Variants in ALMS1 observed in about 807,000 individuals in gnomAD.
The protein encoded by ALMS1 is centrosome-associated protein ALMS1.
A neutral mutation model predicts 352.2 loss-of-function variants in ALMS1; 271 were observed. The observed-to-expected ratio is 0.77, with a 90% CI of 0.70 to 0.85. The LOEUF is 0.85. ALMS1 is among the 40% of genes least tolerant of loss of function. ALMS1 has a pLI of 0.00. For missense variants in ALMS1, 5,445 were observed against 4,870.7 expected (o/e 1.12, Z -3.51); for synonymous variants, 1,865 against 1,761.2 (o/e 1.06, Z -1.48).
intron 12 of ALMS1, among the ~76,000 whole-genome samples, chr2:73,544,583 G>A (rs574238317): frequency 2.0e-5 from 3 of 152,266 alleles, no homozygotes; most frequent in Admixed American, 6.5e-5. Context: ...TGGAGAAATT[G>A]GAACCATTGC....
At chr2:73,561,647 G>C (rs1438224891) in intron 15 of ALMS1, among the ~76,000 whole-genome samples, 2 of 146,908 alleles carry the variant, frequency 1.4e-5, no homozygotes, top group African/African-American at 5.5e-5. Flanking sequence ...GTTAGAGATT[G>C]TTGCACAACA....
chr2:73,428,022 A>G (rs564954507), intron 6 of ALMS1, among the ~76,000 whole-genome samples: 1 of 152,324 alleles, frequency 6.6e-6, no homozygotes, highest in African/African-American at 2.4e-5. Flanking sequence ...ACTTTTATTT[A>G]TAATTTATTA....
chr2:73,418,698 C>T (rs1671227259), intron 2 of ALMS1, among the ~76,000 whole-genome samples: 2 of 152,202 alleles, frequency 1.3e-5, no homozygotes, highest in Admixed American at 6.5e-5. Flanking sequence ...TCCCAAGCCA[C>T]TTCTCATGAT....
rs185314577 is a variant in ALMS1, at chr2:73,542,448, T to C, written c.9907+7499T>C. ...GGAAAAAACTGGAAGCATTGAAAAC[T>C]GGCACAAGACAGGGATGCCCTCTCT... On this transcript the variant is annotated intron_variant, in intron 12 of 22. Coordinates refer to ENST00000613296, the MANE Select transcript of ALMS1 (RefSeq NM_001378454.1). 4.5e-4 allele frequency among the ~76,000 whole-genome samples: 69 copies of C among 151,720 alleles called. 1 individual carries two copies. The highest frequency in any genetic ancestry group is 1.7e-3 in the African/African-American group (69 of 41,476).
chr2:73,443,824 ATAAATG>A (rs1671760765), intron 7 of ALMS1, among the ~76,000 whole-genome samples: 1 of 152,208 alleles, frequency 6.6e-6, no homozygotes, highest in Non-Finnish European at 1.5e-5. Context: ...AGTGGATCAA[ATAAATG>A]TAAGTATCAT....
intron 21 of ALMS1, 115 bp downstream of exon 21, chr2:73,603,419 G>A: frequency 1.1e-6 from 1 of 913,398 alleles, no homozygotes; most frequent in Non-Finnish European, 1.7e-6. Context: ...AACATTATGA[G>A]AAAGTTGTGA....
intron 10 of ALMS1, among the ~76,000 whole-genome samples, chr2:73,507,908 G>T (rs1440557602): frequency 6.6e-6 from 1 of 151,926 alleles, no homozygotes; most frequent in Non-Finnish European, 1.5e-5. Flanking sequence ...TCTCCTGTGG[G>T]CATTTAGTGC....
At chr2:73,541,583 GT>G (rs747450238) in intron 12 of ALMS1, among the ~76,000 whole-genome samples, 14 of 152,132 alleles carry the variant, frequency 9.2e-5, no homozygotes, top group Non-Finnish European at 1.6e-4. Flanking sequence ...CCAGGAGCTG[GT>G]TTTTTGAAAA....
intron 15 of ALMS1, among the ~76,000 whole-genome samples, chr2:73,564,433 T>G (rs1573024278): frequency 6.8e-6 from 1 of 147,498 alleles, no homozygotes; most frequent in East Asian, 2.0e-4. Context: ...GCCACTGCAC[T>G]TCAGTCCAAA....
At chr2:73,429,814 A>G (rs776535200) in intron 6 of ALMS1, among the ~76,000 whole-genome samples, 2 of 152,142 alleles carry the variant, frequency 1.3e-5, no homozygotes, top group African/African-American at 4.8e-5. Context: ...AACTTGCTCT[A>G]TAGCAAAATA....
chr2:73,576,698 G>T (rs1199032170), intron 16 of ALMS1, among the ~76,000 whole-genome samples: 4 of 150,602 alleles, frequency 2.7e-5, no homozygotes, highest in African/African-American at 9.8e-5. Flanking sequence ...TCAGCTCACT[G>T]CAACCTCTGC....
rs1203193062 is a variant in ALMS1 at position 73,432,289 on chromosome 2, CAGGTACGTAGAAAA to C, written c.1432+2_1432+15del. On this transcript the variant is annotated splice_donor_variant and splice_donor_5th_base_variant and coding_sequence_variant and intron_variant, in exon 7 of 23. Transcript: ENST00000613296. LOFTEE classifies it high-confidence loss of function. ...CCAAAGGCTCCTAAACATTTAAAAG[CAGGTACGTAGAAAA>C]AGGAGATAGTAAATGTCCTACTTAC... 2 of 1,606,074 alleles carry C rather than the reference CAGGTACGTAGAAAA, an allele frequency of 1.2e-6. No individual in the cohort carries two copies. The highest frequency in any genetic ancestry group is 1.7e-6 in the Non-Finnish European group (2 of 1,172,982).
chr2:73,560,256 A>G (rs1674629426), intron 15 of ALMS1, among the ~76,000 whole-genome samples: 1 of 152,248 alleles, frequency 6.6e-6, no homozygotes, highest in Admixed American at 6.5e-5. Context: ...TGAATAGACA[A>G]TAGAAGATAT....
intron 9 of ALMS1, among the ~76,000 whole-genome samples, chr2:73,471,925 T>C (rs1489469793): frequency 6.6e-6 from 1 of 151,982 alleles, no homozygotes; most frequent in Non-Finnish European, 1.5e-5. Flanking sequence ...TTAATCACAG[T>C]AGCCAAGATA....
chr2:73,533,197 T>G (rs1202499668), intron 11 of ALMS1, among the ~76,000 whole-genome samples: 1 of 152,258 alleles, frequency 6.6e-6, no homozygotes, highest in Non-Finnish European at 1.5e-5. Context: ...TATGGAGTGG[T>G]GCAAGTGCTT....
rs529965382 is a variant in ALMS1 at position 73,525,021 on chromosome 2, T to G, written c.9781+5005T>G. Among the ~76,000 whole-genome samples the G allele has an allele frequency of 5.9e-5, 9 of 152,322 alleles. No individual in the cohort carries two copies. In the East Asian group the frequency reaches 1.5e-3, roughly 26 times the overall value. Reference sequence around the variant, plus strand: ...TGTTCCTATGCCTGGCTTATTTCACTTTATATAATAACCTCCAGTTTCATC... The same window carrying G: ...TGTTCCTATGCCTGGCTTATTTCACGTTATATAATAACCTCCAGTTTCATC... On this transcript the variant is annotated intron_variant, in intron 11 of 22. Coordinates refer to ENST00000613296, the MANE Select transcript of ALMS1 (RefSeq NM_001378454.1).
intron 3 of ALMS1, among the ~76,000 whole-genome samples, chr2:73,422,365 A>C (rs1304643429): frequency 6.6e-6 from 1 of 152,118 alleles, no homozygotes; most frequent in Non-Finnish European, 1.5e-5. Context: ...ATTTTGAATA[A>C]AATTTTGACA....
intron 1 of ALMS1, among the ~76,000 whole-genome samples, chr2:73,405,713 C>T (rs1010634881): frequency 2.6e-5 from 4 of 151,560 alleles, no homozygotes; most frequent in Non-Finnish European, 4.4e-5. Flanking sequence ...CTGTAGATTA[C>T]CTTCTTAGTC....
intron 11 of ALMS1, among the ~76,000 whole-genome samples, chr2:73,523,634 G>C (rs1021940195): frequency 6.6e-6 from 1 of 152,128 alleles, no homozygotes; most frequent in East Asian, 1.9e-4. Context: ...GGGCATGATG[G>C]CACATGCCTG....
Sources: allele counts gnomAD v4.1 joint callset (sites outside exome capture counted in the v4.1 genomes callset), GRCh38; gene constraint gnomAD v4.1.1; transcripts MANE v1.5; gene names NCBI Gene and HGNC (gene_info 2026-07-23, HGNC 2026-07-21).